Variants in SLC46A1 observed in about 807,000 individuals in gnomAD.
SLC46A1 encodes the protein proton-coupled folate transporter.
SLC46A1 carries 17 observed loss-of-function variants against 32.1 expected under a neutral mutation model. The observed-to-expected ratio is 0.53, with a 90% confidence interval of 0.36 to 0.79. SLC46A1 has a LOEUF of 0.79. SLC46A1 is among the 30% of genes least tolerant of loss of function. SLC46A1 has a pLI of 0.00. For missense variants in SLC46A1, 517 were observed against 588.2 expected, an observed-to-expected ratio of 0.88 and a Z score of 1.25; for synonymous variants, 240 against 262.7, an observed-to-expected ratio of 0.91 and a Z score of 0.84.
rs782027732 is a variant in SLC46A1, at chr17:28,400,610, C to T, written c.1322G>A (p.Gly441Glu). The T allele has an allele frequency of 6.2e-7, 1 of 1,613,556 alleles. No individual in the cohort carries two copies. The highest frequency in any genetic ancestry group is 1.3e-5 in the African/African-American group (1 of 74,984). ...GCATGGGTTCAGGGCCCTGCATTAC[C>T]CAATCAGAACAGCCGGGATGAGCAG... is the stretch of plus-strand genomic sequence containing the variant. Reference protein sequence around the residue: ...GLLLIPAVLIGMLEKADPHLE... With the variant: ...GLLLIPAVLIEMLEKADPHLE... Residue 441 changes from glycine to glutamate, a missense_variant and splice_region_variant, in exon 4 of 5, where the codon GGG becomes GAG. By Grantham distance (98) the Gly-to-Glu change is moderately conservative (BLOSUM62 -2). Transcript: ENST00000612814.
intron 4 of SLC46A1, 196 bp from the exon 5 acceptor site, chr17:28,399,909 T>A: frequency 1.2e-5 from 7 of 571,630 alleles, no homozygotes; most frequent in Non-Finnish European, 1.6e-5. Context: ...TTTTTTTTTT[T>A]AAGAGACAGG....
intron 2 of SLC46A1, 46 bp from the exon 3 acceptor site, chr17:28,402,367 G>A (rs1019746957): frequency 6.6e-7 from 1 of 1,524,940 alleles, no homozygotes; most frequent in Non-Finnish European, 9.0e-7. Context: ...CTGGGGAGAG[G>A]GGCGTCCAAG....
At chr17:28,401,854 T>C in intron 3 of SLC46A1, 1 of 157,970 alleles carries the variant, frequency 6.3e-6, no homozygotes, top group Non-Finnish European at 1.4e-5. Context: ...CTGTGGAAAA[T>C]GAAACCCATG....
At position 28,396,235 on chromosome 17, in the gene SLC46A1, T is replaced by C. The variant is rs2068121687; in HGVS notation, c.*3421A>G. 1 of 1,613,906 alleles carries C rather than the reference T, an allele frequency of 6.2e-7. No individual in the cohort carries two copies. Among genetic ancestry groups the C allele is most frequent in the Non-Finnish European group, 8.5e-7 (1 of 1,179,888 alleles). ...AGGGCCGCTCCTCCCGGGACTCATCTGCAGGCTCTGACACCAGTTTGGAGG... is the reference window on the plus strand; with the variant it reads ...AGGGCCGCTCCTCCCGGGACTCATCCGCAGGCTCTGACACCAGTTTGGAGG... On this transcript the variant is annotated 3_prime_UTR_variant, in exon 5 of 5. Coordinates refer to ENST00000612814, the MANE Select transcript of SLC46A1 (RefSeq NM_080669.6).
In SLC46A1 at chr17:28,400,724, A is replaced by G. The variant is rs199727773; in HGVS notation, c.1208T>C (p.Met403Thr). 119 of 1,600,932 alleles carry G rather than the reference A, an allele frequency of 7.4e-5. No homozygotes were observed. Among genetic ancestry groups the G allele is most frequent in the Middle Eastern group, 1.7e-4 (1 of 5,866 alleles). ...GTTGAAGATGCCGGAGGCCGTCAGC[A>G]TGGCCAGGCTATTCACACAGGCCAC... Reference protein sequence around the residue: ...SAVACVNSLAMLTASGIFNSL... With the variant: ...SAVACVNSLATLTASGIFNSL... The change falls in exon 4 of 5, where the codon ATG becomes ACG. Residue 403 changes from methionine (M) to threonine (T), a missense_variant. Coordinates refer to ENST00000612814, the MANE Select transcript of SLC46A1 (RefSeq NM_080669.6).
chr17:28,402,172 C>T, intron 3 of SLC46A1, 66 bp downstream of exon 3: 1 of 1,384,462 alleles, frequency 7.2e-7, no homozygotes, highest in Non-Finnish European at 1.0e-6. Context: ...GCCATGGCTG[C>T]CCATCAGCCC....
In SLC46A1 at chr17:28,399,211, A is replaced by G. The variant is rs2068165505; in HGVS notation, c.*445T>C. 6.1e-6 allele frequency: 1 copy of G among 164,686 alleles called. No homozygotes were observed. Among genetic ancestry groups the G allele is most frequent in the Non-Finnish European group, 1.3e-5 (1 of 75,380 alleles). The allele number at this position is 164,686 out of a possible 1,614,324, so 10.2% of individuals were successfully genotyped here. A position where few individuals can be genotyped will look rare whatever the true frequency, so the allele number is the denominator to read the frequency against. On this transcript the variant is annotated 3_prime_UTR_variant, in exon 5 of 5. Transcript: ENST00000612814. ...AAGGCTGGCACTAACCAGGTACCAC[A>G]TTCATTGTTAAGGAATGGCTGATGA... is the stretch of plus-strand genomic sequence containing the variant.
rs1597829647 is a variant in SLC46A1, at chr17:28,399,493, A to G, written c.*163T>C. The stretch of plus-strand genomic sequence containing the variant: ...TAGACAGAGGCTGGGTCAGCTGTGG[A>G]TGGGGTGGTGCCTTGGTCTCTCTTG... On this transcript the variant is annotated 3_prime_UTR_variant, in exon 5 of 5. Transcript: ENST00000612814. The G allele has an allele frequency of 1.5e-6, 1 of 667,288 alleles. No individual in the cohort carries two copies. 41.3% of individuals were successfully genotyped at this position (667,288 alleles called of 1,614,324 possible).
chr17:28,404,385 G>A, intron 2 of SLC46A1: 3 of 594,364 alleles, frequency 5.0e-6, no homozygotes, highest in Non-Finnish European at 9.0e-6. Flanking sequence ...AATATTAATG[G>A]TTGATAACAG....
In SLC46A1 at chr17:28,397,094, A is replaced by G. The variant is rs1324961489; in HGVS notation, c.*2562T>C. The G allele has an allele frequency of 6.5e-6, 1 of 152,926 alleles. No individual in the cohort carries two copies. The highest frequency in any genetic ancestry group is 2.4e-5 in the African/African-American group (1 of 41,468). 9.5% of individuals were successfully genotyped at this position (152,926 alleles called of 1,614,324 possible). The stretch of plus-strand genomic sequence containing the variant: ...CTCAGGCTCCTTCCTGGTCTGGCCC[A>G]GCTGGCTTCCCCAGCCCCTCAGCCA... On this transcript the variant is annotated 3_prime_UTR_variant, in exon 5 of 5. Coordinates refer to ENST00000612814, the MANE Select transcript of SLC46A1 (RefSeq NM_080669.6).
In SLC46A1 at chr17:28,394,860, C is replaced by T. The variant is rs995264143; in HGVS notation, c.*4796G>A. 1 of 152,138 alleles carries T rather than the reference C, an allele frequency of 6.6e-6. No homozygotes were observed. The highest frequency in any genetic ancestry group is 2.4e-5 in the African/African-American group (1 of 41,422). 9.4% of individuals were successfully genotyped at this position (152,138 alleles called of 1,614,324 possible). ...ATTTTAGCAGGATTACAACATTTTCCATACAAGACCAGTGCGTATGTTACA... is the reference window on the plus strand; with the variant it reads ...ATTTTAGCAGGATTACAACATTTTCTATACAAGACCAGTGCGTATGTTACA... On this transcript the variant is annotated 3_prime_UTR_variant, in exon 5 of 5. Transcript: ENST00000612814.
chr17:28,400,500 A>C (rs1235337958), intron 4 of SLC46A1, 110 bp downstream of exon 4: 1 of 1,427,940 alleles, frequency 7.0e-7, no homozygotes, highest in Non-Finnish European at 9.5e-7. Context: ...CAAGACACCC[A>C]GAGGGTAAGG....
chr17:28,405,627 G>T (rs1485833278), intron 1 of SLC46A1, 159 bp from the exon 2 acceptor site: 3 of 1,149,574 alleles, frequency 2.6e-6, no homozygotes, highest in Non-Finnish European at 3.7e-6. Flanking sequence ...TGGAGAGGGG[G>T]AAGGACATGG....
At chr17:28,400,220 C>G (rs41297115) in intron 4 of SLC46A1, 171 of 259,424 alleles carry the variant, frequency 6.6e-4, no homozygotes, top group African/African-American at 3.7e-3. Flanking sequence ...TAATATCATA[C>G]AGGAAAAAGT....
Position 28,395,642 on chromosome 17 carries a change from A to C in SLC46A1, c.*4014T>G. On this transcript the variant is annotated 3_prime_UTR_variant, in exon 5 of 5. Coordinates refer to ENST00000612814, the MANE Select transcript of SLC46A1 (RefSeq NM_080669.6). ...GCACCCCCCGGGCCCCCAGTGGGGAATCATCTCTTTAGCATACAAAGACAC... is the reference window on the plus strand; with the variant it reads ...GCACCCCCCGGGCCCCCAGTGGGGACTCATCTCTTTAGCATACAAAGACAC... 13 of 389,098 alleles carry C rather than the reference A, an allele frequency of 3.3e-5. No individual in the cohort carries two copies. The highest frequency in any genetic ancestry group is 3.8e-5 in the Non-Finnish European group (8 of 211,216). The allele number at this position is 389,098 out of a possible 1,614,324, so 24.1% of individuals were successfully genotyped here. A position where few individuals can be genotyped will look rare whatever the true frequency, so the allele number is the denominator to read the frequency against.
chr17:28,396,496 G>C lies in SLC46A1; in HGVS notation c.*3160C>G, dbSNP rs1049059724. Reference sequence around the variant, plus strand: ...GGGAAGGGAAGTCAGGCTTGGGCACGGGAGGTTAGAACTCCCCCAGGCCCT... The same window carrying C: ...GGGAAGGGAAGTCAGGCTTGGGCACCGGAGGTTAGAACTCCCCCAGGCCCT... On this transcript the variant is annotated 3_prime_UTR_variant, in exon 5 of 5. Transcript: ENST00000612814. 2 of 613,750 alleles carry C rather than the reference G, an allele frequency of 3.3e-6. No individual in the cohort carries two copies. Among genetic ancestry groups the C allele is most frequent in the Non-Finnish European group, 5.6e-6 (2 of 354,980 alleles). 38.0% of individuals were successfully genotyped at this position (613,750 alleles called of 1,614,324 possible).
At chr17:28,400,114 T>C in intron 4 of SLC46A1, 1 of 238,386 alleles carries the variant, frequency 4.2e-6, no homozygotes, top group Middle Eastern at 1.7e-3. Context: ...AGGCTGATCT[T>C]GAATTCCCGG....
chr17:28,395,311 AAG>A lies in SLC46A1; in HGVS notation c.*4343_*4344del, dbSNP rs1463336276. On this transcript the variant is annotated 3_prime_UTR_variant, in exon 5 of 5. Transcript: ENST00000612814. The stretch of plus-strand genomic sequence containing the variant: ...ACACAGCTCAAGAATAGCCAAATGG[AAG>A]AGATACATAGGATCTCTACGTATGG... 6.6e-6 allele frequency: 1 copy of A among 152,452 alleles called. No individual in the cohort carries two copies. Among genetic ancestry groups the A allele is most frequent in the Non-Finnish European group, 1.5e-5 (1 of 68,282 alleles). 9.4% of individuals were successfully genotyped at this position (152,452 alleles called of 1,614,324 possible). A position where few individuals can be genotyped will look rare whatever the true frequency, so the allele number is the denominator to read the frequency against.
intron 2 of SLC46A1, 191 bp from the exon 3 acceptor site, chr17:28,402,512 C>T: frequency 1.9e-6 from 1 of 524,712 alleles, no homozygotes; most frequent in East Asian, 3.1e-5. Context: ...GCTTGGCCAC[C>T]TGCTAGCTCT....
Sources: allele counts gnomAD v4.1 joint callset, GRCh38; gene constraint gnomAD v4.1.1; transcripts MANE v1.5; gene names NCBI Gene and HGNC (gene_info 2026-07-23, HGNC 2026-07-21).